BPI: variants seen among roughly 807,000 people sequenced by gnomAD.
BPI encodes the protein bactericidal permeability increasing protein.
A neutral mutation model predicts 57.6 loss-of-function variants in BPI; 48 were observed. The ratio of observed to expected loss-of-function variants is 0.83; its 90% CI spans 0.66 to 1.06. The LOEUF (loss-of-function observed/expected upper bound fraction) is 1.06. Ranked by LOEUF, BPI falls within the 50% of genes least tolerant of loss-of-function variation. The pLI is 0.00. For missense variants in BPI, 651 were observed against 609.7 expected (o/e 1.07, Z -0.71); for synonymous variants, 237 against 238.2 (o/e 0.99, Z 0.05).
chr20:38,318,758 T>A (rs1251034998), intron 6 of BPI, among the ~76,000 whole-genome samples: 2 of 152,178 alleles, frequency 1.3e-5, no homozygotes, highest in African/African-American at 2.4e-5. Flanking sequence ...CAGAGACACA[T>A]GACTGGCCTG....
At chr20:38,335,302 T>C (rs531414747) in intron 13 of BPI, among the ~76,000 whole-genome samples, 22 of 152,222 alleles carry the variant, frequency 1.4e-4, no homozygotes, top group Non-Finnish European at 2.1e-4. Flanking sequence ...GTCACACCAT[T>C]GCAAGCAGCA....
At position 38,309,014 on chromosome 20, in the gene BPI, C is replaced by T; in HGVS notation, c.330C>T (p.Ala110=). 2 of 1,614,208 alleles carry T rather than the reference C, an allele frequency of 1.2e-6. No homozygotes were observed. The change falls in exon 3 of 15, where the codon GCC becomes GCT. Residue 110 remains alanine (A), a synonymous_variant. Coordinates refer to ENST00000642449, the MANE Select transcript of BPI (RefSeq NM_001725.3). ...GCCTTAAGTTCTCCATCAGCAACGC[C>T]AATATCAAGATCAGCGGGAAATGGA... ...NVGLKFSISN[A]NIKISGKWKA...
Position 38,307,645 on chromosome 20 carries a change from T to A in BPI, c.209T>A (p.Ile70Asn). 6.2e-7 allele frequency: 1 copy of A among 1,611,872 alleles called. No homozygotes were observed. Among genetic ancestry groups the A allele is most frequent in the Middle Eastern group, 1.7e-4 (1 of 6,056 alleles). ...KIPDYSDSFK[I>N]KHLGKGHYSF... ...CCTGACTACTCAGACAGCTTTAAGA[T>A]CAAGCATCTTGGGAAGGGGCATTAT... The change falls in exon 2 of 15, where the codon ATC becomes AAC. Residue 70 changes from isoleucine to asparagine, a missense_variant. Transcript: ENST00000642449.
At chr20:38,314,569 T>C (rs1234177227) in intron 5 of BPI, among the ~76,000 whole-genome samples, 1 of 144,784 alleles carries the variant, frequency 6.9e-6, no homozygotes, top group African/African-American at 2.6e-5. Flanking sequence ...GGGATGATGA[T>C]GGTGGTGATG....
chr20:38,322,217 A>G (rs1180028873), intron 7 of BPI, among the ~76,000 whole-genome samples: 4 of 152,188 alleles, frequency 2.6e-5, no homozygotes, highest in South Asian at 2.1e-4. Flanking sequence ...CCAAAGCTGC[A>G]GTGATCATCC....
intron 8 of BPI, among the ~76,000 whole-genome samples, chr20:38,324,401 T>A (rs1055602279): frequency 3.9e-5 from 6 of 152,148 alleles, no homozygotes; most frequent in Admixed American, 6.5e-5. Flanking sequence ...ATAAGAAACA[T>A]AAGGGCTACA....
intron 5 of BPI, among the ~76,000 whole-genome samples, chr20:38,316,712 C>A (rs2076653885): frequency 6.6e-6 from 1 of 152,152 alleles, no homozygotes; most frequent in South Asian, 2.1e-4. Context: ...TCAGAATTGT[C>A]CCAGAAGCGG....
chr20:38,329,324 C>T (rs1818009438), intron 11 of BPI, among the ~76,000 whole-genome samples: 1 of 152,224 alleles, frequency 6.6e-6, no homozygotes, highest in African/African-American at 2.4e-5. Flanking sequence ...TTCACGCCGC[C>T]TTGACCCACA....
chr20:38,307,127 G>A (rs142054156), intron 1 of BPI, among the ~76,000 whole-genome samples: 1,651 of 152,154 alleles, frequency 0.011, 24 homozygotes, highest in African/African-American at 0.036. Flanking sequence ...TAAGTGCAGC[G>A]GGTCGAGGTT....
chr20:38,311,954 G>A lies in BPI; in HGVS notation c.600+17G>A, dbSNP rs201084394. On this transcript the variant is annotated intron_variant, in intron 5 of 14. Transcript: ENST00000642449. ...AACAGCCAGGTAGGAGGGGCTCAGA[G>A]CCCCATCAGCAAACAGAGGAGAAGG... 2,092 of 1,612,768 alleles carry A rather than the reference G, an allele frequency of 1.3e-3. 11 individuals carry two copies. Among genetic ancestry groups the A allele is most frequent in the South Asian group, 6.9e-3 (630 of 90,992 alleles).
At chr20:38,312,093 T>A (rs952309831) in intron 5 of BPI, among the ~76,000 whole-genome samples, 156 bp downstream of exon 5, 4 of 152,072 alleles carry the variant, frequency 2.6e-5, no homozygotes, top group Non-Finnish European at 5.9e-5. Flanking sequence ...AATCCTGTCA[T>A]GTATGTTTTG....
In BPI at chr20:38,335,674, G is replaced by A; in HGVS notation, c.1413G>A (p.Gln471=). The change falls in exon 14 of 15, where the codon CAG becomes CAA. Residue 471 remains glutamine, a splice_region_variant and synonymous_variant. Coordinates refer to ENST00000642449, the MANE Select transcript of BPI (RefSeq NM_001725.3). ...ACAACGTAGTGCTTCAGCCTCACCA[G>A]GTGAGTCCCGGAGTCTTTTCCACAA... The part of the protein sequence containing the change: ...QLYNVVLQPH[Q]NFLLFGADVV... The A allele has an allele frequency of 6.2e-7, 1 of 1,613,998 alleles. No individual in the cohort carries two copies. The highest frequency in any genetic ancestry group is 8.5e-7 in the Non-Finnish European group (1 of 1,179,866).
At chr20:38,323,474 G>C (rs532022184) in intron 7 of BPI, among the ~76,000 whole-genome samples, 9 of 152,186 alleles carry the variant, frequency 5.9e-5, no homozygotes, top group Non-Finnish European at 1.3e-4. Flanking sequence ...GGATTTCACT[G>C]TTCTTTTCGT....
intron 8 of BPI, 94 bp downstream of exon 8, chr20:38,324,140 G>T: frequency 7.0e-7 from 1 of 1,425,548 alleles, no homozygotes; most frequent in South Asian, 1.4e-5. Flanking sequence ...TTCTCACATT[G>T]GGGTAGGTTA....
intron 6 of BPI, 41 bp downstream of exon 6, chr20:38,318,517 A>C (rs777163152): frequency 4.2e-5 from 66 of 1,568,184 alleles, no homozygotes; most frequent in Non-Finnish European, 5.7e-5. Context: ...AGGAACAGAA[A>C]TGGGAGGGGG....
chr20:38,311,237 G>A (rs975090768), intron 4 of BPI, among the ~76,000 whole-genome samples: 1 of 152,204 alleles, frequency 6.6e-6, no homozygotes, highest in Admixed American at 6.5e-5. Flanking sequence ...GAGTGTTCAA[G>A]TCCAGGTCTA....
At chr20:38,329,973 A>G (rs1282380248) in intron 11 of BPI, among the ~76,000 whole-genome samples, 2 of 152,114 alleles carry the variant, frequency 1.3e-5, no homozygotes, top group African/African-American at 2.4e-5. Context: ...CAGCCTCCCA[A>G]AAGTGCTGGG....
chr20:38,331,290 C>T (rs1445192950), intron 12 of BPI, among the ~76,000 whole-genome samples, 200 bp downstream of exon 12: 1 of 152,172 alleles, frequency 6.6e-6, no homozygotes, highest in Non-Finnish European at 1.5e-5. Context: ...AACTGTGAGG[C>T]CTTGGGCAAG....
intron 5 of BPI, among the ~76,000 whole-genome samples, chr20:38,314,395 T>C (rs1239158295): frequency 6.9e-6 from 1 of 145,484 alleles, no homozygotes; most frequent in East Asian, 2.2e-4. Flanking sequence ...GTGAGATTGA[T>C]GATGGTGATG....
Sources: allele counts gnomAD v4.1 joint callset (sites outside exome capture counted in the v4.1 genomes callset), GRCh38; gene constraint gnomAD v4.1.1; transcripts MANE v1.5; gene names NCBI Gene and HGNC (gene_info 2026-07-23, HGNC 2026-07-21).